ARID1B: variants seen among roughly 807,000 people sequenced by gnomAD.
ARID1B encodes the protein AT-rich interaction domain 1B.
In ARID1B, 30 loss-of-function variants were observed where a neutral mutation model predicts 212.3. The ratio of observed to expected loss-of-function variants is 0.14; its 90% CI spans 0.11 to 0.19. The LOEUF is 0.19. ARID1B is among the 10% of genes least tolerant of loss of function. The pLI, the probability that ARID1B is intolerant of heterozygous loss-of-function variation, is 1.00. For missense variants in ARID1B, 2,891 were observed against 3,204.0 expected (o/e 0.90, Z 2.36); for synonymous variants, 1,402 against 1,301.7 (o/e 1.08, Z -1.66).
chr6:156,907,215 T>G (rs1789469212), intron 3 of ARID1B, among the ~76,000 whole-genome samples: 1 of 152,208 alleles, frequency 6.6e-6, no homozygotes, highest in Non-Finnish European at 1.5e-5. Flanking sequence ...CCCTTTCTTT[T>G]CTTTCTTTTC....
At chr6:157,004,890 CTTTTTTCTTTT>C (rs1779122413) in intron 4 of ARID1B, among the ~76,000 whole-genome samples, 10 of 35,694 alleles carry the variant, frequency 2.8e-4, no homozygotes, top group African/African-American at 6.5e-4. Flanking sequence ...TTTTCTTCTT[CTTTTTTCTTTT>C]TTTTTTTTTT....
At chr6:157,084,133 A>ACC (rs202241562) in intron 4 of ARID1B, among the ~76,000 whole-genome samples, 36 of 106,288 alleles carry the variant, frequency 3.4e-4, no homozygotes, top group South Asian at 2.7e-3. Context: ...AGACTTCATC[A>ACC]CCTCCCCCCC....
At chr6:156,866,835 C>T (rs890721345) in intron 2 of ARID1B, among the ~76,000 whole-genome samples, 1 of 152,184 alleles carries the variant, frequency 6.6e-6, no homozygotes, top group Non-Finnish European at 1.5e-5. Context: ...ACTGTCTACA[C>T]GAGTTCTTTT....
rs1003752489 is a variant in ARID1B at position 157,147,873 on chromosome 6, G to A, written c.2762-751G>A. ...CCCGCCAGCCCTCACCCCCTTCTCC[G>A]ACCCTGCCCTCCGTCCCTCACCTCC... On this transcript the variant is annotated intron_variant, in intron 7 of 19. Transcript: ENST00000636930. 1.2e-4 allele frequency among the ~76,000 whole-genome samples: 7 copies of A among 59,616 alleles called. No individual in the cohort carries two copies. In the East Asian group the frequency reaches 2.5e-3, roughly 21 times the overall value. 39.1% of individuals were successfully genotyped at this position (59,616 alleles called of 152,430 possible). A position where few individuals can be genotyped will look rare whatever the true frequency, so the allele number is the denominator to read the frequency against.
chr6:156,803,636 T>C (rs1339715051), intron 1 of ARID1B, among the ~76,000 whole-genome samples: 1 of 151,480 alleles, frequency 6.6e-6, no homozygotes, highest in East Asian at 1.9e-4. Flanking sequence ...TTTTTCTCTT[T>C]TTTTTTTTTT....
At chr6:157,107,290 A>G (rs1355566744) in intron 5 of ARID1B, among the ~76,000 whole-genome samples, 1 of 152,160 alleles carries the variant, frequency 6.6e-6, no homozygotes, top group East Asian at 1.9e-4. Flanking sequence ...GAAAAAAGAC[A>G]TGACGCGGAA....
At chr6:156,800,015 A>G (rs900314551) in intron 1 of ARID1B, among the ~76,000 whole-genome samples, 3 of 151,988 alleles carry the variant, frequency 2.0e-5, no homozygotes, top group Non-Finnish European at 2.9e-5. Context: ...CATGGAAAAC[A>G]CTTTTATTAT....
chr6:156,971,194 T>TA (rs1776898880), intron 4 of ARID1B, among the ~76,000 whole-genome samples: 1 of 152,268 alleles, frequency 6.6e-6, no homozygotes, highest in East Asian at 1.9e-4. Context: ...TTTCTGCTTT[T>TA]ACTTTCCTTG....
At chr6:156,897,209 GCTGCTGCTGCTT>G (rs1380669243) in intron 2 of ARID1B, among the ~76,000 whole-genome samples, 17 of 73,034 alleles carry the variant, frequency 2.3e-4, no homozygotes, top group African/African-American at 7.5e-4. Flanking sequence ...TGCTGCTGCT[GCTGCTGCTGCTT>G]CTTCTTCTTC....
chr6:157,050,562 T>C (rs533164065), intron 4 of ARID1B, among the ~76,000 whole-genome samples: 2 of 152,224 alleles, frequency 1.3e-5, no homozygotes, highest in African/African-American at 4.8e-5. Context: ...AAAAAGTTAC[T>C]TGTGATAAAT....
chr6:156,808,723 A>G (rs1163108779), intron 1 of ARID1B, among the ~76,000 whole-genome samples: 1 of 152,232 alleles, frequency 6.6e-6, no homozygotes, highest in Non-Finnish European at 1.5e-5. Flanking sequence ...ATTGTTTAAT[A>G]AGGATTTATT....
chr6:157,117,922 A>G (rs1787433696), intron 6 of ARID1B, among the ~76,000 whole-genome samples: 1 of 152,186 alleles, frequency 6.6e-6, no homozygotes, highest in Non-Finnish European at 1.5e-5. Flanking sequence ...AGTGGGTGTC[A>G]GTATGAGCCA....
Position 157,129,966 on chromosome 6 carries a change from C to G in ARID1B, c.2582-3062C>G, listed in dbSNP as rs112737015. Among the ~76,000 whole-genome samples the G allele has an allele frequency of 5.4e-3, 817 of 152,172 alleles. 8 individuals carry two copies. The highest frequency in any genetic ancestry group is 0.019 in the African/African-American group (768 of 41,512). On this transcript the variant is annotated intron_variant, in intron 6 of 19. Transcript: ENST00000636930. ...GACAGATCATTTGAGGTCAGGCGTT[C>G]GAGACCAGCCTGGCCAACATGGTGA... is the stretch of plus-strand genomic sequence containing the variant.
chr6:157,039,322 C>CTTTTCTTTTT (rs1781548213), intron 4 of ARID1B, among the ~76,000 whole-genome samples: 1 of 102,976 alleles, frequency 9.7e-6, no homozygotes. Flanking sequence ...TTTGACATTT[C>CTTTTCTTTTT]TTTTTTTTTT....
intron 4 of ARID1B, among the ~76,000 whole-genome samples, chr6:156,984,491 A>T (rs1777803223): frequency 6.6e-6 from 1 of 152,168 alleles, no homozygotes; most frequent in East Asian, 1.9e-4. Flanking sequence ...TAGGAAGTTG[A>T]TAGTGAAATG....
At chr6:156,798,484 A>T (rs146396457) in intron 1 of ARID1B, among the ~76,000 whole-genome samples, 40 of 152,406 alleles carry the variant, frequency 2.6e-4, no homozygotes, top group African/African-American at 8.7e-4. Flanking sequence ...GCCATGTTAC[A>T]TGATGGTACC....
At chr6:157,183,277 G>A (rs1002475405) in intron 12 of ARID1B, among the ~76,000 whole-genome samples, 10 of 152,102 alleles carry the variant, frequency 6.6e-5, no homozygotes, top group African/African-American at 1.4e-4. Flanking sequence ...AAAAGAGGGC[G>A]GTGGGCATCT....
chr6:156,778,864 GC>G lies in ARID1B; in HGVS notation c.1185del (p.Gly396AlafsTer56). ...CCCGGCGCGGGCGGCGGCGGCGGCG[GC>G]GGCGGCGGAGGAGGAGGAGGCAGCG... ...SRPGAGGGGG[G>X]GGGGGGGSGG... is the part of the protein sequence containing the mutation. On this transcript the variant is annotated frameshift_variant, in exon 1 of 20. Coordinates refer to ENST00000636930, the MANE Select transcript of ARID1B (RefSeq NM_001374828.1). LOFTEE classifies it high-confidence loss of function. The G allele has an allele frequency of 7.1e-7, 1 of 1,408,166 alleles. No homozygotes were observed. Among genetic ancestry groups the G allele is most frequent in the Non-Finnish European group, 9.3e-7 (1 of 1,077,736 alleles). The allele number at this position is 1,408,166 out of a possible 1,614,324, so 87.2% of individuals were successfully genotyped here.
At chr6:157,022,981 C>G (rs1780423542) in intron 4 of ARID1B, 1 of 152,048 alleles carries the variant, frequency 6.6e-6, no homozygotes, top group African/African-American at 2.4e-5. Context: ...GTGTTTACCG[C>G]ACGTGTGAAT....
Sources: allele counts gnomAD v4.1 joint callset (sites outside exome capture counted in the v4.1 genomes callset), GRCh38; gene constraint gnomAD v4.1.1; transcripts MANE v1.5; gene names NCBI Gene and HGNC (gene_info 2026-07-23, HGNC 2026-07-21).